The following SAMD12 variants were observed in gnomAD, a reference collection of about 807,000 sequenced individuals.
SAMD12 encodes the protein sterile alpha motif domain containing 12.
SAMD12 carries 9 observed loss-of-function variants against 15.0 expected under a neutral mutation model. The ratio of observed to expected loss-of-function variants is 0.60; its 90% CI spans 0.36 to 1.05. SAMD12 has a LOEUF of 1.05. Among genes scored for constraint, SAMD12 ranks in the 50% least tolerant of loss-of-function variants. The probability of loss-of-function intolerance (pLI) is 0.01; values close to 1 mark genes in which losing one functional copy is unlikely to be tolerated. For synonymous variants in SAMD12, 86 were observed against 90.1 expected (o/e 0.96, Z 0.25); for missense variants, 230 against 234.2 (o/e 0.98, Z 0.12).
intron 4 of SAMD12, among the ~76,000 whole-genome samples, chr8:118,275,691 T>C (rs78898898): frequency 0.027 from 4,045 of 152,248 alleles, 192 homozygotes; most frequent in African/African-American, 0.092. Context: ...AGTTAATTTT[T>C]CAGTCTTTGA....
At chr8:118,467,860 C>G (rs1471074352) in intron 2 of SAMD12, among the ~76,000 whole-genome samples, 2 of 152,178 alleles carry the variant, frequency 1.3e-5, no homozygotes, top group African/African-American at 4.8e-5. Flanking sequence ...CGCCAAGACA[C>G]TCTGTCAATT....
chr8:118,316,294 G>A (rs1414797002), intron 4 of SAMD12, among the ~76,000 whole-genome samples: 1 of 151,158 alleles, frequency 6.6e-6, no homozygotes, highest in Non-Finnish European at 1.5e-5. Flanking sequence ...CAGCACTTTG[G>A]GAGGCTGAGG....
At chr8:118,249,904 T>C (rs912558924) in intron 4 of SAMD12, among the ~76,000 whole-genome samples, 4 of 152,148 alleles carry the variant, frequency 2.6e-5, no homozygotes, top group Non-Finnish European at 5.9e-5. Context: ...TCCAGAGTGC[T>C]GTTGGCCTCA....
intron 4 of SAMD12, among the ~76,000 whole-genome samples, chr8:118,350,297 C>T (rs1203528773): frequency 6.6e-6 from 1 of 152,216 alleles, no homozygotes; most frequent in South Asian, 2.1e-4. Flanking sequence ...CTAGCTGCTT[C>T]AATCACAGCA....
At chr8:118,463,258 C>G (rs1286531572) in intron 2 of SAMD12, among the ~76,000 whole-genome samples, 1 of 152,080 alleles carries the variant, frequency 6.6e-6, no homozygotes, top group African/African-American at 2.4e-5. Context: ...GTGGGGCTGA[C>G]CCAGCAGTAG....
chr8:118,419,668 T>C (rs1821902491), intron 3 of SAMD12, among the ~76,000 whole-genome samples: 1 of 152,172 alleles, frequency 6.6e-6, no homozygotes, highest in Non-Finnish European at 1.5e-5. Flanking sequence ...CAAAGGTAAG[T>C]ATATCTTGTC....
chr8:118,607,134 A>G (rs1586852998), intron 1 of SAMD12, among the ~76,000 whole-genome samples: 1 of 152,336 alleles, frequency 6.6e-6, no homozygotes, highest in African/African-American at 2.4e-5. Flanking sequence ...TAGTTATTGC[A>G]AAATAAATGA....
At chr8:118,382,899 T>C (rs1178401509) in intron 3 of SAMD12, among the ~76,000 whole-genome samples, 1 of 152,208 alleles carries the variant, frequency 6.6e-6, no homozygotes, top group Non-Finnish European at 1.5e-5. Context: ...AAAAATTTTA[T>C]TAACAAAATC....
At chr8:118,501,847 T>C (rs1356648943) in intron 2 of SAMD12, among the ~76,000 whole-genome samples, 1 of 151,998 alleles carries the variant, frequency 6.6e-6, no homozygotes, top group Non-Finnish European at 1.5e-5. Context: ...AAACCCTGTC[T>C]CTACTAAAAA....
At chr8:118,320,452 A>C (rs765730902) in intron 4 of SAMD12, among the ~76,000 whole-genome samples, 71 of 152,046 alleles carry the variant, frequency 4.7e-4, no homozygotes, top group Non-Finnish European at 8.5e-4. Context: ...GAATGTTTTT[A>C]TTTTCTTTTT....
intron 4 of SAMD12, among the ~76,000 whole-genome samples, chr8:118,281,335 A>G (rs187675374): frequency 6.2e-4 from 95 of 152,236 alleles, no homozygotes; most frequent in African/African-American, 2.1e-3. Context: ...AGTGGGGAGG[A>G]GATCCCCTTC....
intron 2 of SAMD12, among the ~76,000 whole-genome samples, chr8:118,523,402 T>C (rs145907727): frequency 6.6e-6 from 1 of 152,332 alleles, no homozygotes; most frequent in East Asian, 1.9e-4. Context: ...CCATAATCTA[T>C]CATAACGGTG....
At chr8:118,191,848 A>AGAGAGT (rs1819411576) in exon 5 of SAMD12, 1 of 126,100 alleles carries the variant, frequency 7.9e-6, no homozygotes, top group South Asian at 2.5e-4. Flanking sequence ...AGAGAGAGAG[A>AGAGAGT]GAGTGAGAAA....
At position 118,273,598 on chromosome 8, in the gene SAMD12, T is replaced by A. The variant is rs111666187; in HGVS notation, c.434-75866A>T. ...GATGGGGGAAGGTACAGCTCAGAGT[T>A]CGGGAGACCCTCCCAGAGTGGCCCC... is the stretch of plus-strand genomic sequence containing the variant. On this transcript the variant is annotated intron_variant, in intron 4 of 4. Coordinates refer to the SAMD12 transcript ENST00000409003. Among the ~76,000 whole-genome samples the A allele has an allele frequency of 1.3e-3, 202 of 152,290 alleles. 1 individual carries two copies. The highest frequency in any genetic ancestry group is 3.9e-3 in the African/African-American group (160 of 41,554).
chr8:118,578,076 C>G (rs983893822), intron 2 of SAMD12, among the ~76,000 whole-genome samples: 1 of 152,156 alleles, frequency 6.6e-6, no homozygotes, highest in African/African-American at 2.4e-5. Context: ...CTCAGTGATG[C>G]TCTTATACAG....
chr8:118,579,770 G>C (rs1482572020), intron 2 of SAMD12, among the ~76,000 whole-genome samples: 1 of 152,124 alleles, frequency 6.6e-6, no homozygotes, highest in Non-Finnish European at 1.5e-5. Context: ...AAATTGTCTT[G>C]CAGGGAATAC....
intron 4 of SAMD12, among the ~76,000 whole-genome samples, chr8:118,337,462 C>T (rs1463428771): frequency 6.6e-6 from 1 of 152,124 alleles, no homozygotes; most frequent in African/African-American, 2.4e-5. Flanking sequence ...ACAGTAGTGC[C>T]CCCTTATCCA....
At chr8:118,166,981 C>T in the SAMD12 span, among the ~76,000 whole-genome samples, 15,911 of 152,002 alleles carry the variant, frequency 0.1, 2,703 homozygotes, top group African/African-American at 0.36. Context: ...AGTTTCCCTC[C>T]ATTGCACAGC....
intron 3 of SAMD12, among the ~76,000 whole-genome samples, chr8:118,427,941 A>T (rs943594244): frequency 6.6e-6 from 1 of 152,188 alleles, no homozygotes; most frequent in Non-Finnish European, 1.5e-5. Context: ...AACACTGGGT[A>T]TGGCTTGGTA....
Sources: gnomAD v4.1 joint callset for allele counts (sites outside exome capture counted in the v4.1 genomes callset) on GRCh38, gnomAD v4.1.1 for gene constraint, MANE v1.5 for transcripts, NCBI Gene and HGNC (gene_info 2026-07-23, HGNC 2026-07-21) for gene names.